Variants in NCAM1 observed in about 807,000 individuals in gnomAD.
NCAM1 encodes neural cell adhesion molecule 1, also known as antigen recognized by monoclonal antibody 5.1H11.
NCAM1 carries 14 observed loss-of-function variants against 109.8 expected under a neutral mutation model. The ratio of observed to expected loss-of-function variants is 0.13; its 90% confidence interval spans 0.08 to 0.20. NCAM1 has a LOEUF of 0.20. Ranked by LOEUF, NCAM1 falls within the 10% of genes least tolerant of loss-of-function variation. The pLI, the probability that NCAM1 is intolerant of heterozygous loss-of-function variation, is 1.00. For missense variants in NCAM1, 774 were observed against 1,109.9 expected (o/e 0.70, Z 4.30); for synonymous variants, 418 against 442.9 (o/e 0.94, Z 0.70).
At chr11:113,093,699 C>T (rs1939466843) in intron 1 of NCAM1, among the ~76,000 whole-genome samples, 1 of 152,198 alleles carries the variant, frequency 6.6e-6, no homozygotes, top group South Asian at 2.1e-4. Context: ...CCAACACAAT[C>T]AGGTACATGG....
At chr11:113,017,433 T>C (rs565779850) in intron 1 of NCAM1, among the ~76,000 whole-genome samples, 35 of 152,310 alleles carry the variant, frequency 2.3e-4, no homozygotes, top group Non-Finnish European at 4.4e-4. Context: ...CCAGTAGAAA[T>C]AGTGCAACTT....
At chr11:113,097,318 A>G (rs1465896145) in intron 1 of NCAM1, among the ~76,000 whole-genome samples, 1 of 152,204 alleles carries the variant, frequency 6.6e-6, no homozygotes, top group African/African-American at 2.4e-5. Flanking sequence ...TATGCCAGAC[A>G]CCTGCACAAA....
chr11:113,129,026 A>G (rs181577857), intron 1 of NCAM1, among the ~76,000 whole-genome samples: 1 of 152,066 alleles, frequency 6.6e-6, no homozygotes, highest in East Asian at 1.9e-4. Context: ...CGAGAGCAGA[A>G]ACATTAAACC....
At chr11:113,055,978 G>GATATAT (rs58693567) in intron 1 of NCAM1, among the ~76,000 whole-genome samples, 141 of 60,002 alleles carry the variant, frequency 2.3e-3, no homozygotes, top group Middle Eastern at 0.011. Context: ...AAGAAAATGT[G>GATATAT]ATATATATAT....
At chr11:113,271,686 G>A in intron 18 of NCAM1, 74 bp from the exon 19 acceptor site, 1 of 1,182,992 alleles carries the variant, frequency 8.5e-7, no homozygotes. Context: ...CTTGGGTTGA[G>A]TCATAGCTGC....
chr11:113,262,961 C>G (rs1555123696), intron 17 of NCAM1: 1 of 1,601,106 alleles, frequency 6.2e-7, no homozygotes, highest in Non-Finnish European at 8.5e-7. Context: ...GCTTAAAAGC[C>G]CAGTTCCTAT....
intron 1 of NCAM1, among the ~76,000 whole-genome samples, chr11:113,045,699 C>G (rs1459431532): frequency 1.3e-5 from 2 of 152,190 alleles, no homozygotes; most frequent in Admixed American, 6.5e-5. Flanking sequence ...TGCTTTTCCC[C>G]TGATGATGGA....
At chr11:113,053,184 T>A (rs1555082069) in intron 1 of NCAM1, among the ~76,000 whole-genome samples, 1 of 152,220 alleles carries the variant, frequency 6.6e-6, no homozygotes, top group East Asian at 1.9e-4. Context: ...TGCATTAGTT[T>A]GCTGAGGATA....
At chr11:113,253,885 A>T (rs1338510683) in intron 15 of NCAM1, among the ~76,000 whole-genome samples, 1 of 152,182 alleles carries the variant, frequency 6.6e-6, no homozygotes, top group Non-Finnish European at 1.5e-5. Flanking sequence ...TTTGCCTGGG[A>T]CTGAAGGGTT....
chr11:113,023,712 T>C (rs1172981448), intron 1 of NCAM1, among the ~76,000 whole-genome samples: 1 of 152,246 alleles, frequency 6.6e-6, no homozygotes, highest in Admixed American at 6.5e-5. Flanking sequence ...GATCAAGTTA[T>C]GAATTTCATA....
At chr11:112,981,866 G>T (rs1940727) in intron 1 of NCAM1, among the ~76,000 whole-genome samples, 68,403 of 151,678 alleles carry the variant, frequency 0.45, 16,285 homozygotes, top group East Asian at 0.8. Flanking sequence ...AAAGTTCAAA[G>T]GTTTTTTGCA....
chr11:113,232,367 G>C lies in NCAM1; in HGVS notation c.1425+13G>C, dbSNP rs371485160. The C allele has an allele frequency of 1.2e-5, 20 of 1,600,742 alleles. No individual in the cohort carries two copies. In the African/African-American group the frequency reaches 2.5e-4, roughly 20 times the overall value. Reference sequence around the variant, plus strand: ...CAGCTATCTGGAGGTGAGTCAGGATGGGGGTGGGACAGAGCAGAGAAAGCA... The same window carrying C: ...CAGCTATCTGGAGGTGAGTCAGGATCGGGGTGGGACAGAGCAGAGAAAGCA... On this transcript the variant is annotated intron_variant, in intron 11 of 19. Transcript: ENST00000316851.
chr11:113,159,340 T>C (rs1555103948), intron 1 of NCAM1, among the ~76,000 whole-genome samples: 2 of 152,192 alleles, frequency 1.3e-5, no homozygotes, highest in African/African-American at 2.4e-5. Context: ...ATTCTAATAA[T>C]TCACTTTTTT....
intron 1 of NCAM1, among the ~76,000 whole-genome samples, chr11:113,036,119 C>A (rs925073921): frequency 6.6e-6 from 1 of 151,996 alleles, no homozygotes; most frequent in Non-Finnish European, 1.5e-5. Flanking sequence ...CGGGCTCTTC[C>A]AAGCCATTTC....
intron 1 of NCAM1, among the ~76,000 whole-genome samples, chr11:113,007,485 T>C (rs1055142706): frequency 2.0e-5 from 3 of 152,214 alleles, no homozygotes; most frequent in African/African-American, 7.2e-5. Context: ...CCCTTTCTGC[T>C]TATCAATTAG....
chr11:113,092,397 T>A (rs1431076408), intron 1 of NCAM1, among the ~76,000 whole-genome samples: 1 of 152,148 alleles, frequency 6.6e-6, no homozygotes, highest in East Asian at 1.9e-4. Context: ...TAGTTGCCAG[T>A]GCTTTGCCGG....
chr11:113,192,803 TATAAAATGAACGGGTTG>T, intron 1 of NCAM1, among the ~76,000 whole-genome samples: 1 of 152,318 alleles, frequency 6.6e-6, no homozygotes, highest in African/African-American at 2.4e-5. Context: ...TTTTCCTACC[TATAAAATGAACGGGTTG>T]GAGATAAGCG....
chr11:113,145,100 G>A (rs1941968454), intron 1 of NCAM1, among the ~76,000 whole-genome samples: 1 of 152,130 alleles, frequency 6.6e-6, no homozygotes. Flanking sequence ...ACTGATTCAA[G>A]CTACTTGAAC....
chr11:113,152,635 G>A (rs1555102667), intron 1 of NCAM1, among the ~76,000 whole-genome samples: 1 of 152,144 alleles, frequency 6.6e-6, no homozygotes, highest in East Asian at 1.9e-4. Context: ...ATAGGAACAT[G>A]GAGCATTTGT....
Sources: gnomAD v4.1 joint callset for allele counts (sites outside exome capture counted in the v4.1 genomes callset) on GRCh38, gnomAD v4.1.1 for gene constraint, MANE v1.5 for transcripts, NCBI Gene and HGNC (gene_info 2026-07-23, HGNC 2026-07-21) for gene names.